The following ZNF445 variants were observed in gnomAD, a reference collection of about 807,000 sequenced individuals.
ZNF445 encodes the protein zinc finger protein 168.
In ZNF445, 19 loss-of-function variants were observed where a neutral mutation model predicts 93.9. The ratio of observed to expected loss-of-function variants is 0.20; its 90% CI spans 0.14 to 0.30. ZNF445 has a LOEUF of 0.30. ZNF445 is among the 10% of genes least tolerant of loss of function. ZNF445 has a pLI of 1.00. For missense variants in ZNF445, 1,058 were observed against 1,259.4 expected (o/e 0.84, Z 2.42); for synonymous variants, 449 against 446.3 (o/e 1.01, Z -0.08).
rs1333096736 is a variant in ZNF445 at position 44,458,371 on chromosome 3, A to G, written c.-268-7T>C. The G allele has an allele frequency of 6.6e-6, 1 of 152,104 alleles. No individual in the cohort carries two copies. The highest frequency in any genetic ancestry group is 1.5e-5 in the Non-Finnish European group (1 of 68,066). 9.4% of individuals were successfully genotyped at this position (152,104 alleles called of 1,614,324 possible). A position where few individuals can be genotyped will look rare whatever the true frequency, so the allele number is the denominator to read the frequency against. ...CGAAAGAGCGAGACTCCACCTCAAA[A>G]AAAAGAACATAGGAGAAAACCTTTA... On this transcript the variant is annotated splice_polypyrimidine_tract_variant and splice_region_variant and intron_variant, in intron 1 of 7. Coordinates refer to ENST00000396077, the MANE Select transcript of ZNF445 (RefSeq NM_181489.6).
At chr3:44,475,131 T>C (rs1243224010) in intron 1 of ZNF445, among the ~76,000 whole-genome samples, 1 of 151,970 alleles carries the variant, frequency 6.6e-6, no homozygotes, top group Admixed American at 6.6e-5. Flanking sequence ...TTATCTTACA[T>C]TGAGAAGTTC....
chr3:44,471,180 T>C (rs1027097230), intron 1 of ZNF445, among the ~76,000 whole-genome samples: 6 of 152,244 alleles, frequency 3.9e-5, no homozygotes, highest in African/African-American at 1.4e-4. Context: ...ATTTCTCTAA[T>C]ATGACTCTTG....
At chr3:44,461,723 C>T (rs114668214) in intron 1 of ZNF445, among the ~76,000 whole-genome samples, 1,918 of 152,304 alleles carry the variant, frequency 0.013, 22 homozygotes, top group African/African-American at 0.024. Flanking sequence ...AACAAGGTGA[C>T]TAATGTTTGT....
Position 44,455,630 on chromosome 3 carries a change from G to A in ZNF445, c.-81C>T. ...GGTCCTCAGAAGTATCTTCTCAGCA[G>A]TCAACAATGCCAACATTTGCTGGGA... On this transcript the variant is annotated 5_prime_UTR_variant, in exon 3 of 8. Coordinates refer to ENST00000396077, the MANE Select transcript of ZNF445 (RefSeq NM_181489.6). The A allele has an allele frequency of 7.5e-7, 1 of 1,335,908 alleles. No individual in the cohort carries two copies. Among genetic ancestry groups the A allele is most frequent in the South Asian group, 1.5e-5 (1 of 68,254 alleles). The allele number at this position is 1,335,908 out of a possible 1,614,324, so 82.8% of individuals were successfully genotyped here.
At chr3:44,465,863 G>A (rs758144727) in intron 1 of ZNF445, among the ~76,000 whole-genome samples, 2 of 152,068 alleles carry the variant, frequency 1.3e-5, no homozygotes, top group African/African-American at 2.4e-5. Flanking sequence ...GCAGTGAGTC[G>A]AGATCATGCC....
intron 2 of ZNF445, among the ~76,000 whole-genome samples, chr3:44,456,088 A>T (rs990617116): frequency 6.6e-6 from 1 of 152,210 alleles, no homozygotes; most frequent in African/African-American, 2.4e-5. Flanking sequence ...ACATAGATAA[A>T]TTTATGTGGA....
intron 4 of ZNF445, 131 bp downstream of exon 4, chr3:44,451,183 G>T: frequency 8.2e-7 from 1 of 1,221,654 alleles, no homozygotes; most frequent in Non-Finnish European, 1.2e-6. Context: ...TAGAATGGAT[G>T]GAGAGGACAG....
At position 44,455,110 on chromosome 3, in the gene ZNF445, C is replaced by T. The variant is rs758214011; in HGVS notation, c.429+11G>A. On this transcript the variant is annotated intron_variant, in intron 3 of 7. Transcript: ENST00000396077. ...GAGTTCCCTGGGCACCACACACTTGCTCACACTCACCCTCCAGGATGTCCC... is the reference window on the plus strand; with the variant it reads ...GAGTTCCCTGGGCACCACACACTTGTTCACACTCACCCTCCAGGATGTCCC... The T allele has an allele frequency of 1.9e-6, 3 of 1,613,940 alleles. No individual in the cohort carries two copies. Among genetic ancestry groups the T allele is most frequent in the African/African-American group, 1.3e-5 (1 of 74,900 alleles).
At chr3:44,477,067 G>A (rs1023407674) in intron 1 of ZNF445, among the ~76,000 whole-genome samples, 3 of 152,160 alleles carry the variant, frequency 2.0e-5, no homozygotes, top group African/African-American at 4.8e-5. Flanking sequence ...TGGTTAAATG[G>A]TAAACGTTTA....
In ZNF445 at chr3:44,455,236, C is replaced by T; in HGVS notation, c.314G>A (p.Ser105Asn). 3 of 1,614,234 alleles carry T rather than the reference C, an allele frequency of 1.9e-6. No individual in the cohort carries two copies. The highest frequency in any genetic ancestry group is 2.5e-6 in the Non-Finnish European group (3 of 1,180,034). Reference protein sequence around the residue: ...LELLVLEQFLSILPGELRVWV... With the variant: ...LELLVLEQFLNILPGELRVWV... ...AACCCGGAGCTCCCCAGGCAGGATG[C>T]TCAGGAACTGTTCCAGCACCAGCAG... The change falls in exon 3 of 8, where the codon AGC becomes AAC. Residue 105 changes from serine (S) to asparagine (N), a missense_variant. Physicochemically the swap from Ser to Asn is conservative, Grantham distance 46. This residue lies in a region of ZNF445 where 657 missense variants were observed against 746.4 expected (regional missense o/e 0.88). Coordinates refer to ENST00000396077, the MANE Select transcript of ZNF445 (RefSeq NM_181489.6).
chr3:44,453,070 C>T (rs534064629), intron 3 of ZNF445, among the ~76,000 whole-genome samples: 8 of 151,946 alleles, frequency 5.3e-5, no homozygotes, highest in South Asian at 4.2e-4. Flanking sequence ...AACACCACCA[C>T]GCCCAGCTAA....
Position 44,437,056 on chromosome 3 carries a change from GA to G in ZNF445, c.*9518del, listed in dbSNP as rs1559385837. The G allele has an allele frequency of 6.6e-6, 1 of 152,188 alleles. No individual in the cohort carries two copies. The highest frequency in any genetic ancestry group is 2.4e-5 in the African/African-American group (1 of 41,446). The allele number at this position is 152,188 out of a possible 1,614,324, so 9.4% of individuals were successfully genotyped here. On this transcript the variant is annotated 3_prime_UTR_variant, in exon 8 of 8. Coordinates refer to ENST00000396077, the MANE Select transcript of ZNF445 (RefSeq NM_181489.6). ...GCTACTCCATAGACAGAGCAGCCCC[GA>G]GGGCTGCTGGTTGTCTATTTTATGG...
At chr3:44,475,844 CA>C (rs1471546532) in intron 1 of ZNF445, among the ~76,000 whole-genome samples, 2 of 151,938 alleles carry the variant, frequency 1.3e-5, no homozygotes, top group Non-Finnish European at 2.9e-5. Flanking sequence ...ACTTAAAATA[CA>C]AAAATTAGCT....
chr3:44,474,040 G>T (rs1021237952), intron 1 of ZNF445, among the ~76,000 whole-genome samples: 1 of 152,204 alleles, frequency 6.6e-6, no homozygotes, highest in African/African-American at 2.4e-5. Context: ...ATTGCTGCAG[G>T]CAAGATCAAT....
chr3:44,469,880 G>C (rs1698243144), intron 1 of ZNF445, among the ~76,000 whole-genome samples: 1 of 152,216 alleles, frequency 6.6e-6, no homozygotes, highest in Admixed American at 6.5e-5. Flanking sequence ...GTCACAAGAT[G>C]TTAAACCCAG....
intron 1 of ZNF445, among the ~76,000 whole-genome samples, chr3:44,463,011 T>TTG (rs61329186): frequency 0.023 from 3,268 of 144,478 alleles, 66 homozygotes; most frequent in African/African-American, 0.056. Flanking sequence ...ATTTTTTTCT[T>TTG]TGTGTGTGTG....
intron 1 of ZNF445, among the ~76,000 whole-genome samples, chr3:44,473,491 A>ACACACACAC (rs768926978): frequency 1.3e-4 from 12 of 89,882 alleles, no homozygotes; most frequent in Admixed American, 3.5e-4. Flanking sequence ...ACACACACAC[A>ACACACACAC]AAAAATGCTT....
intron 2 of ZNF445, among the ~76,000 whole-genome samples, chr3:44,457,397 G>A (rs920686029): frequency 6.6e-6 from 1 of 151,954 alleles, no homozygotes; most frequent in Non-Finnish European, 1.5e-5. Context: ...TCAGCCTCCA[G>A]AGGAGGTGAG....
chr3:44,457,249 A>G (rs999941521), intron 2 of ZNF445, among the ~76,000 whole-genome samples: 16 of 151,836 alleles, frequency 1.1e-4, no homozygotes, highest in Admixed American at 3.3e-4. Flanking sequence ...AGGAGTCCAC[A>G]CCTGTGATAC....
Sources: gnomAD v4.1 joint callset for allele counts (sites outside exome capture counted in the v4.1 genomes callset) on GRCh38, gnomAD v4.1.1 for gene constraint, gnomAD v4.1.1 regional missense constraint, MANE v1.5 for transcripts, NCBI Gene and HGNC (gene_info 2026-07-23, HGNC 2026-07-21) for gene names.